RAB38: variants seen among roughly 807,000 people sequenced by gnomAD.
The protein encoded by RAB38 is ras-related protein Rab-38.
In RAB38, 15 loss-of-function variants were observed where a neutral mutation model predicts 18.4. That is an observed-to-expected ratio of 0.82 (90% CI 0.55 to 1.26). RAB38 has a LOEUF of 1.26. RAB38 is among the 50% of genes most tolerant of loss of function. The pLI is 0.00. For missense variants in RAB38, 294 were observed against 267.4 expected (o/e 1.10, Z -0.69); for synonymous variants, 101 against 104.4 (o/e 0.97, Z 0.20).
the RAB38 span, among the ~76,000 whole-genome samples, chr11:87,962,258 TG>T: frequency 1.3e-3 from 204 of 152,312 alleles, 3 homozygotes; most frequent in Non-Finnish European, 2.5e-3. Context: ...ATGTACTACC[TG>T]GAGCACTAAA....
the RAB38 span, among the ~76,000 whole-genome samples, chr11:87,908,289 TC>T: frequency 6.6e-6 from 1 of 152,012 alleles, no homozygotes; most frequent in South Asian, 2.1e-4. Flanking sequence ...GAAAAATTGT[TC>T]TTTCCCACTA....
chr11:88,103,198 CTTA>C, the RAB38 span, among the ~76,000 whole-genome samples: 43 of 151,872 alleles, frequency 2.8e-4, no homozygotes, highest in African/African-American at 1.0e-3. Context: ...AAGTAGACAT[CTTA>C]TTTTTTATAT....
chr11:87,943,274 C>CAAAT, the RAB38 span, among the ~76,000 whole-genome samples: 1 of 152,082 alleles, frequency 6.6e-6, no homozygotes, highest in African/African-American at 2.4e-5. Context: ...GAAGCAAAGA[C>CAAAT]AAATAGATAA....
chr11:88,118,245 T>C (rs1182059948), intron 2 of RAB38, among the ~76,000 whole-genome samples: 3 of 152,242 alleles, frequency 2.0e-5, no homozygotes, highest in African/African-American at 7.2e-5. Flanking sequence ...GCAAGGCTGA[T>C]TTGTATTACT....
the RAB38 span, among the ~76,000 whole-genome samples, chr11:88,064,076 C>T: frequency 6.6e-6 from 1 of 152,144 alleles, no homozygotes; most frequent in Non-Finnish European, 1.5e-5. Context: ...GAAGGAACAA[C>T]AACAGGGACT....
chr11:88,067,647 A>T, the RAB38 span, among the ~76,000 whole-genome samples: 35 of 152,268 alleles, frequency 2.3e-4, no homozygotes, highest in African/African-American at 7.7e-4. Context: ...AGAGAAGTTG[A>T]GCATCAGAGT....
the RAB38 span, among the ~76,000 whole-genome samples, chr11:88,038,271 A>G: frequency 1.3e-5 from 2 of 152,200 alleles, no homozygotes; most frequent in Non-Finnish European, 2.9e-5. Context: ...CCTAGTGTCC[A>G]GATGTTAAAT....
At chr11:88,019,843 C>A in the RAB38 span, among the ~76,000 whole-genome samples, 4 of 152,144 alleles carry the variant, frequency 2.6e-5, no homozygotes, top group Non-Finnish European at 5.9e-5. Context: ...AATATCACCT[C>A]AATTTTCTCT....
At chr11:88,163,285 C>G (rs1302971658) in intron 1 of RAB38, among the ~76,000 whole-genome samples, 1 of 152,122 alleles carries the variant, frequency 6.6e-6, no homozygotes, top group African/African-American at 2.4e-5. Context: ...TACAAGTACT[C>G]TTTGCATAAT....
the RAB38 span, among the ~76,000 whole-genome samples, chr11:87,943,557 C>A: frequency 6.6e-6 from 1 of 152,242 alleles, no homozygotes; most frequent in South Asian, 2.1e-4. Context: ...TCTCGCCCAT[C>A]TTGGTTTAGT....
At chr11:88,140,041 A>C (rs1454584910) in intron 2 of RAB38, among the ~76,000 whole-genome samples, 1 of 152,238 alleles carries the variant, frequency 6.6e-6, no homozygotes, top group East Asian at 1.9e-4. Context: ...CTGGAGTGTG[A>C]AGGAGGAATG....
chr11:88,055,315 G>A, the RAB38 span, among the ~76,000 whole-genome samples: 23 of 152,284 alleles, frequency 1.5e-4, no homozygotes, highest in African/African-American at 5.5e-4. Context: ...TATTATTACA[G>A]ATATTTCTTT....
chr11:87,937,695 A>C, the RAB38 span, among the ~76,000 whole-genome samples: 9 of 152,022 alleles, frequency 5.9e-5, no homozygotes, highest in African/African-American at 1.9e-4. Flanking sequence ...ATTTGGAAAA[A>C]TTCTGCTGTT....
the RAB38 span, among the ~76,000 whole-genome samples, chr11:88,022,611 C>CCAAAAAAAAAAAAAAA: frequency 1.9e-5 from 1 of 52,092 alleles, no homozygotes; most frequent in African/African-American, 7.6e-5. Context: ...AAAGACCCCA[C>CCAAAAAAAAAAAAAAA]AAAAAAAAAA....
chr11:87,831,376 G>A, the RAB38 span, among the ~76,000 whole-genome samples: 1 of 152,150 alleles, frequency 6.6e-6, no homozygotes, highest in African/African-American at 2.4e-5. Context: ...GCATTTTAGG[G>A]TTGTGGAATA....
chr11:87,895,990 C>T, the RAB38 span, among the ~76,000 whole-genome samples: 135 of 151,666 alleles, frequency 8.9e-4, no homozygotes, highest in African/African-American at 3.0e-3. Context: ...TTTAAGCCTG[C>T]GTATTATTCT....
At chr11:88,141,170 C>T (rs1942907866) in intron 2 of RAB38, among the ~76,000 whole-genome samples, 2 of 152,066 alleles carry the variant, frequency 1.3e-5, no homozygotes, top group Admixed American at 1.3e-4. Context: ...TCCCCACCCC[C>T]TAGAAAACAG....
the RAB38 span, among the ~76,000 whole-genome samples, chr11:87,845,106 T>C: frequency 6.6e-6 from 1 of 152,210 alleles, no homozygotes; most frequent in Admixed American, 6.5e-5. Context: ...GTTGATTTCT[T>C]GCTAATACAA....
At chr11:87,972,948 G>A in the RAB38 span, among the ~76,000 whole-genome samples, 1 of 151,906 alleles carries the variant, frequency 6.6e-6, no homozygotes, top group South Asian at 2.1e-4. Context: ...AGATCTGGTT[G>A]TTTAAAAGTG....
Sources: allele counts gnomAD v4.1 joint callset (sites outside exome capture counted in the v4.1 genomes callset), GRCh38; gene constraint gnomAD v4.1.1; transcripts MANE v1.5; gene names NCBI Gene and HGNC (gene_info 2026-07-23, HGNC 2026-07-21).